Variants in UNC5C observed in about 807,000 individuals in gnomAD.
UNC5C encodes the protein unc-5 netrin receptor C, also known as netrin receptor UNC5C.
In UNC5C, 47 loss-of-function variants were observed where a neutral mutation model predicts 99.8. The observed-to-expected ratio is 0.47, with a 90% CI of 0.37 to 0.60. The LOEUF is 0.60. Ranked by LOEUF, UNC5C falls within the 20% of genes least tolerant of loss-of-function variation. The pLI is 0.00. For missense variants in UNC5C, 1,062 were observed against 1,165.9 expected, an observed-to-expected ratio of 0.91 and a Z score of 1.30; for synonymous variants, 487 against 452.2, an observed-to-expected ratio of 1.08 and a Z score of -0.98.
chr4:95,227,910 G>A (rs988030614), intron 7 of UNC5C, among the ~76,000 whole-genome samples: 1 of 152,144 alleles, frequency 6.6e-6, no homozygotes, highest in Non-Finnish European at 1.5e-5. Context: ...CTTAGGGAAC[G>A]AATGACTTTT....
intron 1 of UNC5C, among the ~76,000 whole-genome samples, chr4:95,461,114 C>T (rs575342215): frequency 2.6e-5 from 4 of 152,230 alleles, no homozygotes; most frequent in South Asian, 4.1e-4. Context: ...AGTTATTCTG[C>T]TTAGTTAAGT....
chr4:95,249,255 C>T (rs1446071583), intron 5 of UNC5C, among the ~76,000 whole-genome samples: 1 of 152,162 alleles, frequency 6.6e-6, no homozygotes, highest in Non-Finnish European at 1.5e-5. Context: ...CAGAATGTGT[C>T]CCCATCATTA....
At chr4:95,218,129 C>T (rs1038173927) in intron 9 of UNC5C, among the ~76,000 whole-genome samples, 22 of 152,258 alleles carry the variant, frequency 1.4e-4, no homozygotes, top group African/African-American at 5.1e-4. Flanking sequence ...TGTGACAACA[C>T]TTTAGGTATT....
At chr4:95,474,066 A>C (rs1186844679) in intron 1 of UNC5C, among the ~76,000 whole-genome samples, 1 of 152,074 alleles carries the variant, frequency 6.6e-6, no homozygotes. Flanking sequence ...TTCAATGATA[A>C]ATTCTTCCTT....
intron 1 of UNC5C, among the ~76,000 whole-genome samples, chr4:95,459,198 C>G (rs1472727963): frequency 6.6e-6 from 1 of 152,114 alleles, no homozygotes; most frequent in Non-Finnish European, 1.5e-5. Flanking sequence ...ATAAGCAACT[C>G]TTAAATTTCT....
At chr4:95,277,511 A>G (rs758565025) in intron 4 of UNC5C, among the ~76,000 whole-genome samples, 1 of 152,218 alleles carries the variant, frequency 6.6e-6, no homozygotes, top group Non-Finnish European at 1.5e-5. Context: ...AAGACACAGT[A>G]TTAGTTTTCC....
At chr4:95,419,784 T>C (rs1458359051) in intron 1 of UNC5C, among the ~76,000 whole-genome samples, 1 of 152,060 alleles carries the variant, frequency 6.6e-6, no homozygotes, top group Non-Finnish European at 1.5e-5. Flanking sequence ...GTTGAACATT[T>C]ATAAAATAGC....
intron 2 of UNC5C, among the ~76,000 whole-genome samples, chr4:95,328,811 C>T (rs575077986): frequency 3.9e-5 from 6 of 152,204 alleles, no homozygotes; most frequent in East Asian, 1.9e-4. Flanking sequence ...ATACCAAAGC[C>T]GGGCAGAGAC....
At chr4:95,306,330 G>T (rs919103043) in intron 2 of UNC5C, among the ~76,000 whole-genome samples, 7 of 152,104 alleles carry the variant, frequency 4.6e-5, no homozygotes, top group African/African-American at 7.2e-5. Flanking sequence ...AGCCTCCGGA[G>T]TAGCTGGGAC....
intron 1 of UNC5C, among the ~76,000 whole-genome samples, chr4:95,355,117 T>C (rs1165390938): frequency 6.6e-6 from 1 of 152,132 alleles, no homozygotes; most frequent in Non-Finnish European, 1.5e-5. Context: ...TCCACAGACC[T>C]AGTTTTAAAT....
At chr4:95,434,015 TTA>T (rs1475658010) in intron 1 of UNC5C, among the ~76,000 whole-genome samples, 2 of 152,230 alleles carry the variant, frequency 1.3e-5, no homozygotes, top group African/African-American at 4.8e-5. Flanking sequence ...CCCATATAGA[TTA>T]TGTCTTCCCA....
At chr4:95,179,630 C>T (rs1736522610) in intron 14 of UNC5C, among the ~76,000 whole-genome samples, 1 of 151,654 alleles carries the variant, frequency 6.6e-6, no homozygotes, top group African/African-American at 2.4e-5. Flanking sequence ...GCCTGTGATC[C>T]CAGCTACTCA....
At chr4:95,185,541 A>G (rs1250692133) in intron 12 of UNC5C, among the ~76,000 whole-genome samples, 1 of 152,228 alleles carries the variant, frequency 6.6e-6, no homozygotes, top group East Asian at 1.9e-4. Flanking sequence ...CATAAATTAA[A>G]GAAAAAATAG....
At chr4:95,386,015 G>T (rs1579374926) in intron 1 of UNC5C, among the ~76,000 whole-genome samples, 1 of 152,214 alleles carries the variant, frequency 6.6e-6, no homozygotes, top group Non-Finnish European at 1.5e-5. Flanking sequence ...TCCTCAAAGT[G>T]TCTGTTAATG....
chr4:95,180,142 T>TAACA (rs111280168), intron 14 of UNC5C, among the ~76,000 whole-genome samples: 10,194 of 152,150 alleles, frequency 0.067, 431 homozygotes, highest in Middle Eastern at 0.12. Context: ...ACTTACTTAC[T>TAACA]AACAAACATT....
At chr4:95,468,205 G>A (rs984876865) in intron 1 of UNC5C, among the ~76,000 whole-genome samples, 1 of 149,640 alleles carries the variant, frequency 6.7e-6, no homozygotes, top group Non-Finnish European at 1.5e-5. Flanking sequence ...ATTTGCTTTA[G>A]TTTCATATCA....
Position 95,247,434 on chromosome 4 carries a change from T to C in UNC5C, c.776-2290A>G, listed in dbSNP as rs188039052. On this transcript the variant is annotated intron_variant, in intron 5 of 15. Coordinates refer to ENST00000453304, the MANE Select transcript of UNC5C (RefSeq NM_003728.4). ...ATTCCCTGCCATGGAATTGTCTGTA[T>C]AAACTGCTTACTAGCATACTGGCAA... 3.1e-4 allele frequency among the ~76,000 whole-genome samples: 47 copies of C among 152,282 alleles called. No homozygotes were observed. The East Asian group carries it at 9.1e-3, about 29-fold the overall frequency.
At chr4:95,309,111 G>C (rs532977743) in intron 2 of UNC5C, among the ~76,000 whole-genome samples, 3 of 151,904 alleles carry the variant, frequency 2.0e-5, no homozygotes, top group Non-Finnish European at 2.9e-5. Context: ...AAAATAGCTC[G>C]CCCAGAAATA....
chr4:95,239,414 G>A (rs1394581290), intron 7 of UNC5C, among the ~76,000 whole-genome samples: 2 of 152,126 alleles, frequency 1.3e-5, no homozygotes, highest in East Asian at 3.9e-4. Flanking sequence ...GGTAGGTCAG[G>A]CATTTGTGAG....
Sources: allele counts gnomAD v4.1 joint callset (sites outside exome capture counted in the v4.1 genomes callset), GRCh38; gene constraint gnomAD v4.1.1; transcripts MANE v1.5; gene names NCBI Gene and HGNC (gene_info 2026-07-23, HGNC 2026-07-21).